The following C1orf87 variants were observed in gnomAD, a reference collection of about 807,000 sequenced individuals.
C1orf87 encodes chromosome 1 open reading frame 87, also known as uncharacterized protein C1orf87.
A neutral mutation model predicts 60.5 loss-of-function variants in C1orf87; 58 were observed. That is an observed-to-expected ratio of 0.96 (90% CI 0.78 to 1.19). C1orf87 has a LOEUF of 1.19. Ranked by LOEUF, C1orf87 falls within the 50% of genes most tolerant of loss-of-function variation. C1orf87 has a pLI of 0.00. For missense variants in C1orf87, 673 were observed against 638.6 expected (o/e 1.05, Z -0.58); for synonymous variants, 236 against 227.4 (o/e 1.04, Z -0.34).
At chr1:60,020,258 C>T (rs1286903184) in intron 8 of C1orf87, among the ~76,000 whole-genome samples, 2 of 152,136 alleles carry the variant, frequency 1.3e-5, no homozygotes, top group African/African-American at 2.4e-5. Flanking sequence ...GTGGCTAAAA[C>T]AGGACTCTGT....
intron 3 of C1orf87, among the ~76,000 whole-genome samples, chr1:60,047,607 G>C (rs989240726): frequency 2.0e-5 from 3 of 151,962 alleles, no homozygotes; most frequent in African/African-American, 7.2e-5. Flanking sequence ...ACAGAACTGG[G>C]AAATACATTT....
Position 60,005,674 on chromosome 1 carries a change from G to A in C1orf87, c.1193-4518C>T, listed in dbSNP as rs1645039394. ...GCATCAAGCAATAACTGAGAGCAGA[G>A]CCTGGGTGAGGCAGAATGAAAAGGG... is the stretch of plus-strand genomic sequence containing the variant. On this transcript the variant is annotated intron_variant, in intron 9 of 11. Coordinates refer to ENST00000371201, the MANE Select transcript of C1orf87 (RefSeq NM_152377.3). Among the ~76,000 whole-genome samples the A allele has an allele frequency of 3.9e-5, 6 of 152,088 alleles. No homozygotes were observed. The South Asian group carries it at 1.2e-3, about 31-fold the overall frequency.
At chr1:60,055,764 G>T (rs1008843452) in intron 2 of C1orf87, among the ~76,000 whole-genome samples, 6 of 152,074 alleles carry the variant, frequency 3.9e-5, no homozygotes, top group African/African-American at 7.2e-5. Flanking sequence ...ACTTGTAAAT[G>T]TAACAGGTAT....
chr1:60,024,975 C>G (rs528273661), intron 8 of C1orf87, among the ~76,000 whole-genome samples: 1 of 152,114 alleles, frequency 6.6e-6, no homozygotes, highest in African/African-American at 2.4e-5. Context: ...GTGATGAAAT[C>G]GATTGCTTCA....
chr1:60,019,532 G>A (rs934165980), intron 8 of C1orf87, among the ~76,000 whole-genome samples: 10 of 152,214 alleles, frequency 6.6e-5, no homozygotes, highest in African/African-American at 2.4e-4. Flanking sequence ...TTGGAACTGG[G>A]TAATGGGTAA....
chr1:60,022,920 C>A (rs1232036210), intron 8 of C1orf87, among the ~76,000 whole-genome samples: 2 of 152,108 alleles, frequency 1.3e-5, no homozygotes, highest in African/African-American at 4.8e-5. Context: ...ATTCATTTCC[C>A]AGGCAGAACC....
At position 59,990,745 on chromosome 1, in the gene C1orf87, C is replaced by G; in HGVS notation, c.1569G>C (p.Gln523His). ...NLSLSPQKID[Q>H]ALRRFRSGEN... ...CTCCCGAACGGAATCTGCGCAAGGC[C>G]TGGTCGATTTTCTGAGGGCTCAGGG... The change falls in exon 12 of 12, where the codon CAG (glutamine) becomes CAC (histidine). Residue 523 changes from glutamine to histidine, a missense_variant. Coordinates refer to ENST00000371201, the MANE Select transcript of C1orf87 (RefSeq NM_152377.3). 1 of 1,614,098 alleles carries G rather than the reference C, an allele frequency of 6.2e-7. No individual in the cohort carries two copies. The highest frequency in any genetic ancestry group is 8.5e-7 in the Non-Finnish European group (1 of 1,179,988).
chr1:60,014,547 CA>C (rs1645111837), intron 8 of C1orf87, among the ~76,000 whole-genome samples: 1 of 151,834 alleles, frequency 6.6e-6, no homozygotes. Flanking sequence ...TTAAAAAAAA[CA>C]AACAAACCTA....
intron 8 of C1orf87, among the ~76,000 whole-genome samples, chr1:60,013,141 A>G (rs1262004683): frequency 6.6e-6 from 1 of 152,160 alleles, no homozygotes; most frequent in African/African-American, 2.4e-5. Flanking sequence ...AGCTTACATC[A>G]CACTGAGTCC....
chr1:60,060,863 T>C (rs935025707), intron 2 of C1orf87, among the ~76,000 whole-genome samples: 2 of 152,174 alleles, frequency 1.3e-5, no homozygotes, highest in Non-Finnish European at 2.9e-5. Flanking sequence ...CTGGAGCCAA[T>C]GTTTATTGGC....
chr1:60,063,359 T>C (rs1367098956), intron 2 of C1orf87, among the ~76,000 whole-genome samples: 1 of 152,194 alleles, frequency 6.6e-6, no homozygotes, highest in Non-Finnish European at 1.5e-5. Context: ...TGGATTATCA[T>C]AATAACTCTC....
chr1:59,996,954 G>A (rs1454209362), intron 11 of C1orf87, among the ~76,000 whole-genome samples: 3 of 152,160 alleles, frequency 2.0e-5, no homozygotes, highest in African/African-American at 7.2e-5. Flanking sequence ...TATGATGATG[G>A]ATGTTAAAGA....
chr1:60,051,853 G>A (rs1645416902), intron 3 of C1orf87, among the ~76,000 whole-genome samples: 1 of 152,186 alleles, frequency 6.6e-6, no homozygotes, highest in Non-Finnish European at 1.5e-5. Context: ...TTGGTTGGAT[G>A]TCAGGGTTAG....
chr1:60,064,938 A>G (rs1381831843), intron 2 of C1orf87, among the ~76,000 whole-genome samples: 1 of 57,790 alleles, frequency 1.7e-5, no homozygotes, highest in South Asian at 5.8e-4. Flanking sequence ...TATATAATAT[A>G]AAATATATAA....
chr1:60,003,053 A>G (rs375083977), intron 9 of C1orf87, among the ~76,000 whole-genome samples: 2 of 150,604 alleles, frequency 1.3e-5, no homozygotes, highest in South Asian at 2.1e-4. Context: ...TCACAATAGC[A>G]AAGACTTGGA....
intron 3 of C1orf87, among the ~76,000 whole-genome samples, chr1:60,050,489 T>C (rs1291545901): frequency 6.6e-6 from 1 of 151,330 alleles, no homozygotes; most frequent in East Asian, 1.9e-4. Flanking sequence ...ATTTGTGTTA[T>C]TGATTTTATA....
At chr1:60,014,655 T>A (rs895668735) in intron 8 of C1orf87, among the ~76,000 whole-genome samples, 1 of 152,176 alleles carries the variant, frequency 6.6e-6, no homozygotes, top group African/African-American at 2.4e-5. Flanking sequence ...ATGAGGGTTA[T>A]GAAGGCTTAA....
intron 11 of C1orf87, 109 bp downstream of exon 11, chr1:59,997,500 T>G (rs903230300): frequency 6.2e-6 from 6 of 964,068 alleles, no homozygotes; most frequent in Middle Eastern, 4.3e-4. Flanking sequence ...GGCACATGAT[T>G]TATATATTAA....
chr1:60,002,815 G>C (rs1486154931), intron 9 of C1orf87, among the ~76,000 whole-genome samples: 1 of 150,970 alleles, frequency 6.6e-6, no homozygotes, highest in African/African-American at 2.4e-5. Context: ...AAAAAGTCAG[G>C]AAACAACAGG....
Sources: allele counts gnomAD v4.1 joint callset (sites outside exome capture counted in the v4.1 genomes callset), GRCh38; gene constraint gnomAD v4.1.1; transcripts MANE v1.5; gene names NCBI Gene and HGNC (gene_info 2026-07-23, HGNC 2026-07-21).